Variants in IL16 observed in about 807,000 individuals in gnomAD.
IL16 encodes the protein pro-interleukin-16.
A neutral mutation model predicts 110.1 loss-of-function variants in IL16; 67 were observed. The ratio of observed to expected loss-of-function variants is 0.61; its 90% CI spans 0.50 to 0.75. The LOEUF (loss-of-function observed/expected upper bound fraction) is 0.75. Ranked by LOEUF, IL16 falls within the 30% of genes least tolerant of loss-of-function variation. The probability of loss-of-function intolerance (pLI) is 0.00; values close to 1 mark genes in which losing one functional copy is unlikely to be tolerated. For synonymous variants in IL16, 689 were observed against 662.9 expected (o/e 1.04, Z -0.61); for missense variants, 1,545 against 1,655.0 (o/e 0.93, Z 1.15).
intron 9 of IL16, among the ~76,000 whole-genome samples, chr15:81,284,212 T>C (rs749704872): frequency 1.8e-4 from 27 of 152,248 alleles, no homozygotes; most frequent in Non-Finnish European, 3.4e-4. Flanking sequence ...CTTTGCACTC[T>C]AACATTTGTG....
In IL16 at chr15:81,308,900, A is replaced by G; in HGVS notation, c.*102A>G. 9.4e-7 allele frequency: 1 copy of G among 1,069,446 alleles called. No homozygotes were observed. 66.2% of individuals were successfully genotyped at this position (1,069,446 alleles called of 1,614,324 possible). On this transcript the variant is annotated 3_prime_UTR_variant, in exon 19 of 19. Transcript: ENST00000683961. ...TGCTGCCGCCCCACCCAGATGGGGG[A>G]AAGCACAGGTGGGCTTCCCAGTGGC...
At chr15:81,207,364 A>G (rs1896068006) in intron 1 of IL16, among the ~76,000 whole-genome samples, 1 of 152,232 alleles carries the variant, frequency 6.6e-6, no homozygotes, top group African/African-American at 2.4e-5. Flanking sequence ...AGATTTTTAA[A>G]AAGTGATTCA....
intron 3 of IL16, among the ~76,000 whole-genome samples, chr15:81,263,815 T>G (rs772315016): frequency 3.3e-5 from 5 of 152,194 alleles, no homozygotes; most frequent in African/African-American, 4.8e-5. Flanking sequence ...CTTGCACTGC[T>G]GTGGATGGAG....
In IL16 at chr15:81,199,033, ATATATAT is replaced by A. The variant is rs1566990610; in HGVS notation, c.-102+1882_-102+1888del. Among the ~76,000 whole-genome samples, 638 of 88,108 alleles carry A rather than the reference ATATATAT, an allele frequency of 7.2e-3. 3 individuals carry two copies. The highest frequency in any genetic ancestry group is 0.016 in the Middle Eastern group (3 of 186). 57.8% of individuals were successfully genotyped at this position (88,108 alleles called of 152,430 possible). On this transcript the variant is annotated intron_variant, in intron 1 of 18. Coordinates refer to ENST00000683961, the MANE Select transcript of IL16 (RefSeq NM_172217.5). ...AGACTCCATCTCAAAAAAAAAAAAT[ATATATAT>A]ATATATATATATATATATATAAAAT...
intron 1 of IL16, among the ~76,000 whole-genome samples, chr15:81,224,142 G>A (rs1209340583): frequency 1.3e-5 from 2 of 152,184 alleles, no homozygotes; most frequent in African/African-American, 2.4e-5. Context: ...TGTGCAATTC[G>A]AGTGCTGAAA....
intron 1 of IL16, among the ~76,000 whole-genome samples, chr15:81,214,939 T>C (rs534352756): frequency 6.6e-6 from 1 of 152,256 alleles, no homozygotes; most frequent in Non-Finnish European, 1.5e-5. Context: ...GATTGTAGTA[T>C]GAAATTTTTG....
At chr15:81,250,559 C>A (rs770132729) in intron 2 of IL16, among the ~76,000 whole-genome samples, 5 of 152,020 alleles carry the variant, frequency 3.3e-5, no homozygotes, top group Non-Finnish European at 7.4e-5. Context: ...TATGTTTTGT[C>A]ATCTTGTGGG....
intron 2 of IL16, among the ~76,000 whole-genome samples, chr15:81,257,324 C>G (rs1897982241): frequency 1.3e-5 from 2 of 152,212 alleles, no homozygotes; most frequent in Admixed American, 1.3e-4. Context: ...GAGTGGACTT[C>G]TGGCTCCAGT....
chr15:81,296,042 A>G (rs1395581120), intron 12 of IL16, among the ~76,000 whole-genome samples: 3 of 152,054 alleles, frequency 2.0e-5, no homozygotes, highest in East Asian at 1.9e-4. Context: ...TGCTTTCTCA[A>G]TCTTTTTTTC....
chr15:81,184,070 C>T (rs546932874), intron 1 of IL16, among the ~76,000 whole-genome samples: 2 of 152,306 alleles, frequency 1.3e-5, no homozygotes, highest in South Asian at 4.1e-4. Context: ...GTAGCCCTGG[C>T]TCTTCGTATA....
intron 1 of IL16, among the ~76,000 whole-genome samples, chr15:81,218,935 T>A (rs1896525554): frequency 2.2e-5 from 2 of 89,768 alleles, no homozygotes; most frequent in South Asian, 1.0e-3. Flanking sequence ...GAGTAACAAT[T>A]TTTTTTTTTT....
chr15:81,212,498 G>T (rs1045480613), intron 1 of IL16, among the ~76,000 whole-genome samples: 11 of 151,596 alleles, frequency 7.3e-5, no homozygotes, highest in Non-Finnish European at 1.2e-4. Context: ...TTGAGACAGG[G>T]TCTCACTCTC....
At position 81,309,132 on chromosome 15, in the gene IL16, T is replaced by C. The variant is rs1900724078; in HGVS notation, c.*334T>C. Reference sequence around the variant, plus strand: ...TGGCTTCGCAAAATGTTTCAAGTACTGTAACTGTGTCATGATTCACCCCCA... The same window carrying C: ...TGGCTTCGCAAAATGTTTCAAGTACCGTAACTGTGTCATGATTCACCCCCA... On this transcript the variant is annotated 3_prime_UTR_variant, in exon 19 of 19. Transcript: ENST00000683961. 2 of 237,808 alleles carry C rather than the reference T, an allele frequency of 8.4e-6. No homozygotes were observed. Among genetic ancestry groups the C allele is most frequent in the Admixed American group, 5.5e-5 (1 of 18,082 alleles). 14.7% of individuals were successfully genotyped at this position (237,808 alleles called of 1,614,324 possible).
intron 1 of IL16, among the ~76,000 whole-genome samples, chr15:81,201,280 T>C (rs1271636089): frequency 6.6e-6 from 1 of 151,718 alleles, no homozygotes; most frequent in Non-Finnish European, 1.5e-5. Context: ...CCCACACACA[T>C]GCACGCACAC....
At chr15:81,306,690 C>G in intron 18 of IL16, 145 bp downstream of exon 18, 2 of 1,000,378 alleles carry the variant, frequency 2.0e-6, no homozygotes, top group Non-Finnish European at 1.6e-6. Context: ...TTTTAGGGCT[C>G]AATTCTGCTT....
chr15:81,214,029 TTTTTTG>T (rs916042766), intron 1 of IL16, among the ~76,000 whole-genome samples: 7 of 152,104 alleles, frequency 4.6e-5, no homozygotes, highest in African/African-American at 1.5e-4. Context: ...ATTTTGTTTT[TTTTTTG>T]TTTGTTTGTT....
intron 1 of IL16, among the ~76,000 whole-genome samples, chr15:81,219,313 G>A (rs184325583): frequency 6.6e-6 from 1 of 152,248 alleles, no homozygotes; most frequent in Admixed American, 6.5e-5. Context: ...GATTCCATGA[G>A]GAATGAGCTT....
intron 1 of IL16, chr15:81,188,510 G>C: frequency 2.2e-6 from 1 of 449,856 alleles, no homozygotes. Flanking sequence ...AAGAGGACTG[G>C]CTTCCCTCAG....
intron 1 of IL16, among the ~76,000 whole-genome samples, chr15:81,217,145 A>G (rs1365919415): frequency 6.6e-6 from 1 of 152,232 alleles, no homozygotes; most frequent in Non-Finnish European, 1.5e-5. Flanking sequence ...GTCCTTGGAA[A>G]GGACTGATAG....
Sources: gnomAD v4.1 joint callset for allele counts (sites outside exome capture counted in the v4.1 genomes callset) on GRCh38, gnomAD v4.1.1 for gene constraint, MANE v1.5 for transcripts, NCBI Gene and HGNC (gene_info 2026-07-23, HGNC 2026-07-21) for gene names.